The following HDAC4 variants were observed in gnomAD, a reference collection of about 807,000 sequenced individuals.
The protein encoded by HDAC4 is histone deacetylase A.
In HDAC4, 16 loss-of-function variants were observed where a neutral mutation model predicts 135.1. That is an observed-to-expected ratio of 0.12 (90% CI 0.08 to 0.18). HDAC4 has a LOEUF of 0.18. Among genes scored for constraint, HDAC4 ranks in the 10% least tolerant of loss-of-function variants. The pLI, the probability that HDAC4 is intolerant of heterozygous loss-of-function variation, is 1.00. For synonymous variants in HDAC4, 685 were observed against 653.4 expected, an observed-to-expected ratio of 1.05 and a Z score of -0.74; for missense variants, 1,143 against 1,511.8, an observed-to-expected ratio of 0.76 and a Z score of 4.05.
At chr2:239,283,533 G>C (rs1207060267) in intron 2 of HDAC4, among the ~76,000 whole-genome samples, 1 of 152,244 alleles carries the variant, frequency 6.6e-6, no homozygotes, top group Non-Finnish European at 1.5e-5. Flanking sequence ...CCACACCTGG[G>C]CGTTTCCACC....
In HDAC4 at chr2:239,075,715, C is replaced by T. The variant is rs549174348; in HGVS notation, c.2750+5380G>A. Among the ~76,000 whole-genome samples, 31 of 152,364 alleles carry T rather than the reference C, an allele frequency of 2.0e-4. No individual in the cohort carries two copies. The East Asian group carries it at 5.2e-3, about 26-fold the overall frequency. On this transcript the variant is annotated intron_variant, in intron 22 of 26. Coordinates refer to ENST00000543185, the MANE Select transcript of HDAC4 (RefSeq NM_001378414.1). Reference sequence around the variant, plus strand: ...CTCAATGTGGCTTCTCTGGCACCTTCGTTACCGACACAGCACTGCACCCTT... The same window carrying T: ...CTCAATGTGGCTTCTCTGGCACCTTTGTTACCGACACAGCACTGCACCCTT...
chr2:239,206,059 T>A (rs1367819123), intron 3 of HDAC4, among the ~76,000 whole-genome samples: 2 of 152,220 alleles, frequency 1.3e-5, no homozygotes. Flanking sequence ...TTACACCCAG[T>A]GGCTTACGCC....
intron 3 of HDAC4, among the ~76,000 whole-genome samples, chr2:239,201,913 C>G (rs1192287632): frequency 1.3e-5 from 2 of 152,208 alleles, no homozygotes; most frequent in Non-Finnish European, 2.9e-5. Context: ...TGCTTTCTTA[C>G]TGGCAGAAAA....
chr2:239,139,747 G>C lies in HDAC4; in HGVS notation c.915C>G (p.Asn305Lys). 3 of 1,614,140 alleles carry C rather than the reference G, an allele frequency of 1.9e-6. No homozygotes were observed. The highest frequency in any genetic ancestry group is 2.2e-5 in the East Asian group (1 of 44,882). ...APGSGPSSPN[N>K]SSGSVSAENG... ...TCTCCGCGCTGACGCTCCCGGAGCT[G>C]TTGTTGGGTGAGCTGGGTCCGGAGC... Residue 305 changes from asparagine to lysine, a missense_variant, in exon 9 of 27, where the codon AAC (asparagine) becomes AAG (lysine). Physicochemically the swap from Asn to Lys is moderately conservative, Grantham distance 94. Around this residue, in one of 9 missense-constraint regions of HDAC4, gnomAD observed 272 missense variants for 309.7 expected, o/e 0.88. Transcript: ENST00000543185. This position sits in a 1 kb window ranked among gnomAD's most constrained non-coding sequence, Gnocchi z 5.3.
intron 3 of HDAC4, among the ~76,000 whole-genome samples, chr2:239,210,387 C>G (rs770256146): frequency 5.9e-5 from 9 of 152,174 alleles, no homozygotes; most frequent in South Asian, 2.1e-4. Context: ...TTATTAAAAG[C>G]TCGGAAAAGC....
chr2:239,278,343 A>G (rs1339526444), intron 2 of HDAC4, among the ~76,000 whole-genome samples: 2 of 152,208 alleles, frequency 1.3e-5, no homozygotes, highest in African/African-American at 4.8e-5. Flanking sequence ...AAAAATTGAC[A>G]ATCTAATTGG....
rs1274956014 is a variant in HDAC4 at position 239,052,130 on chromosome 2, G to C, written c.*967C>G. The C allele has an allele frequency of 6.6e-6, 1 of 152,520 alleles. No individual in the cohort carries two copies. Among genetic ancestry groups the C allele is most frequent in the African/African-American group, 2.4e-5 (1 of 41,422 alleles). 9.4% of individuals were successfully genotyped at this position (152,520 alleles called of 1,614,324 possible). A position where few individuals can be genotyped will look rare whatever the true frequency, so the allele number is the denominator to read the frequency against. ...AACACTTTGGATTCGTTTAAAATTT[G>C]TTGGACTTCAAAACCTCCAACGGGA... On this transcript the variant is annotated 3_prime_UTR_variant, in exon 27 of 27. Transcript: ENST00000543185.
intron 16 of HDAC4, among the ~76,000 whole-genome samples, chr2:239,099,272 G>T (rs2037395159): frequency 6.6e-6 from 1 of 152,242 alleles, no homozygotes; most frequent in South Asian, 2.1e-4. Flanking sequence ...TTTGAAAATG[G>T]ATGAAGGTGT....
intron 3 of HDAC4, among the ~76,000 whole-genome samples, chr2:239,208,563 T>A (rs1286064196): frequency 1.3e-5 from 2 of 151,998 alleles, no homozygotes; most frequent in African/African-American, 4.8e-5. Context: ...TAATGGTGAA[T>A]CCTGAAAAAG....
At chr2:239,396,078 G>A (rs754463508) in intron 1 of HDAC4, among the ~76,000 whole-genome samples, 2 of 151,852 alleles carry the variant, frequency 1.3e-5, no homozygotes, top group African/African-American at 2.4e-5. Flanking sequence ...CCAGGCTCAC[G>A]TGATTCTCCT....
intron 4 of HDAC4, among the ~76,000 whole-genome samples, chr2:239,181,644 A>G (rs1053617421): frequency 6.6e-6 from 1 of 152,262 alleles, no homozygotes; most frequent in South Asian, 2.1e-4. Context: ...CAGGCGGCCC[A>G]TAGCACGCTG....
At chr2:239,350,897 C>A (rs972160226) in intron 2 of HDAC4, among the ~76,000 whole-genome samples, 5 of 152,186 alleles carry the variant, frequency 3.3e-5, no homozygotes, top group African/African-American at 1.2e-4. Flanking sequence ...GCCTGCAGAG[C>A]ATGTACAAAT....
chr2:239,337,930 G>C (rs1404811709), intron 2 of HDAC4, among the ~76,000 whole-genome samples: 1 of 152,144 alleles, frequency 6.6e-6, no homozygotes, highest in Non-Finnish European at 1.5e-5. Context: ...ATCTCTTCGG[G>C]GGCAGAAAGA....
At chr2:239,189,429 A>C (rs2044758786) in intron 4 of HDAC4, among the ~76,000 whole-genome samples, 1 of 152,240 alleles carries the variant, frequency 6.6e-6, no homozygotes, top group African/African-American at 2.4e-5. Context: ...TAGTAGAGAA[A>C]ATAGAAAATA....
intron 24 of HDAC4, 64 bp from the exon 25 acceptor site, chr2:239,054,897 G>A: frequency 9.3e-7 from 1 of 1,074,196 alleles, no homozygotes; most frequent in Non-Finnish European, 1.5e-6. Context: ...TTAGACGGGT[G>A]TTCCGAGACT....
At position 239,118,005 on chromosome 2, in the gene HDAC4, G is replaced by A. The variant is rs556251370; in HGVS notation, c.1534-2695C>T. 1.1e-4 allele frequency among the ~76,000 whole-genome samples: 17 copies of A among 152,270 alleles called. 1 individual carries two copies. The highest frequency in any genetic ancestry group is 1.0e-3 in the South Asian group (5 of 4,820). On this transcript the variant is annotated intron_variant, in intron 12 of 26. Coordinates refer to ENST00000543185, the MANE Select transcript of HDAC4 (RefSeq NM_001378414.1). ...CGGCCTCTCCAGCAGCCTGAACTACGGGGCACGGGTTGGTGGGCACTCAGT... is the reference window on the plus strand; with the variant it reads ...CGGCCTCTCCAGCAGCCTGAACTACAGGGCACGGGTTGGTGGGCACTCAGT...
chr2:239,108,727 G>C (rs1382010608), intron 14 of HDAC4, among the ~76,000 whole-genome samples: 2 of 152,220 alleles, frequency 1.3e-5, no homozygotes, highest in Non-Finnish European at 1.5e-5. Context: ...AACTTCCAGA[G>C]GGACTGGAAC....
At chr2:239,119,159 T>G (rs1384082070) in intron 12 of HDAC4, among the ~76,000 whole-genome samples, 1 of 152,184 alleles carries the variant, frequency 6.6e-6, no homozygotes, top group Non-Finnish European at 1.5e-5. Flanking sequence ...TAACGGGATG[T>G]GACTGACTGA....
intron 8 of HDAC4, among the ~76,000 whole-genome samples, chr2:239,140,386 G>A (rs1485302209): frequency 6.6e-6 from 1 of 152,148 alleles, no homozygotes; most frequent in Non-Finnish European, 1.5e-5. Context: ...AATGAGACCA[G>A]GTTCCGCTCT....
Sources: allele counts gnomAD v4.1 joint callset (sites outside exome capture counted in the v4.1 genomes callset), GRCh38; gene constraint gnomAD v4.1.1; regional missense constraint gnomAD v4.1.1; non-coding constraint Gnocchi (gnomAD v3.1); transcripts MANE v1.5; gene names NCBI Gene and HGNC (gene_info 2026-07-23, HGNC 2026-07-21).